Variants in SLU7 observed in about 807,000 individuals in gnomAD.
SLU7 encodes spliceosome associated SLU7.
In SLU7, 60 loss-of-function variants were observed where a neutral mutation model predicts 87.0. The ratio of observed to expected loss-of-function variants is 0.69; its 90% CI spans 0.56 to 0.86. The LOEUF is 0.86. Among genes scored for constraint, SLU7 ranks in the 40% least tolerant of loss-of-function variants. The probability of loss-of-function intolerance (pLI) is 0.00; values close to 1 mark genes in which losing one functional copy is unlikely to be tolerated. For synonymous variants in SLU7, 197 were observed against 222.0 expected, an observed-to-expected ratio of 0.89 and a Z score of 1.00; for missense variants, 507 against 686.6, an observed-to-expected ratio of 0.74 and a Z score of 2.92.
At chr5:160,404,646 A>T in intron 14 of SLU7, 90 bp from the exon 15 acceptor site, 6 of 988,810 alleles carry the variant, frequency 6.1e-6, no homozygotes, top group Non-Finnish European at 9.3e-6. Context: ...GAATCACTTG[A>T]ACCCAGGAGG....
At chr5:160,414,720 G>C (rs1035766964) in intron 2 of SLU7, among the ~76,000 whole-genome samples, 2 of 152,148 alleles carry the variant, frequency 1.3e-5, no homozygotes, top group Non-Finnish European at 2.9e-5. Context: ...GGGGACAAGA[G>C]AGGAAGGAAA....
At chr5:160,414,247 G>A (rs1765360775) in intron 3 of SLU7, 72 bp downstream of exon 3, 20 of 1,174,310 alleles carry the variant, frequency 1.7e-5, no homozygotes, top group Non-Finnish European at 2.4e-5. Context: ...AAATAGTATT[G>A]CATTAAAAAT....
At chr5:160,414,284 A>G (rs1227988287) in intron 3 of SLU7, 35 bp downstream of exon 3, 6 of 1,511,002 alleles carry the variant, frequency 4.0e-6, no homozygotes, top group South Asian at 2.6e-5. Flanking sequence ...TAAACTCTCC[A>G]TATCCATGAA....
intron 1 of SLU7, among the ~76,000 whole-genome samples, chr5:160,416,542 C>G (rs1303185461): frequency 6.6e-6 from 1 of 152,188 alleles, no homozygotes; most frequent in Non-Finnish European, 1.5e-5. Context: ...CCTCTGAAAT[C>G]TAATCTCCTA....
chr5:160,415,089 T>C, intron 2 of SLU7, 36 bp downstream of exon 2: 1 of 1,503,692 alleles, frequency 6.7e-7, no homozygotes, highest in Non-Finnish European at 9.0e-7. Context: ...ATTTGAATTC[T>C]GAATGAATGG....
intron 15 of SLU7, 61 bp downstream of exon 15, chr5:160,404,379 A>G (rs1249552068): frequency 1.8e-6 from 2 of 1,099,458 alleles, no homozygotes; most frequent in East Asian, 4.7e-5. Context: ...AAATAAAAAC[A>G]ACCCAAAAAA....
At chr5:160,408,750 T>A in intron 6 of SLU7, 53 bp from the exon 7 acceptor site, 2 of 689,316 alleles carry the variant, frequency 2.9e-6, no homozygotes. Context: ...CTTAATCCAA[T>A]TAACTTTATT....
chr5:160,406,597 T>G lies in SLU7; in HGVS notation c.1158A>C (p.Pro386=). 6.2e-7 allele frequency: 1 copy of G among 1,612,058 alleles called. No individual in the cohort carries two copies. The highest frequency in any genetic ancestry group is 8.5e-7 in the Non-Finnish European group (1 of 1,179,190). The change falls in exon 12 of 16, where the codon CCA becomes CCC. Residue 386 remains proline (P), a synonymous_variant. Transcript: ENST00000297151. ...YGGQEHLDAP[P]AELLLAQTED... Reference sequence around the variant, plus strand: ...CAGTCTGGGCTAAAAGCAATTCAGCTGGAGGGGCATCCAAATGTTCTTGGC... The same window carrying G: ...CAGTCTGGGCTAAAAGCAATTCAGCGGGAGGGGCATCCAAATGTTCTTGGC...
At chr5:160,417,317 C>A (rs1419685395) in intron 1 of SLU7, 5 of 152,060 alleles carry the variant, frequency 3.3e-5, no homozygotes, top group Non-Finnish European at 7.4e-5. Flanking sequence ...TAAAAATAAA[C>A]AGGTAAAATT....
rs367804207 is a variant in SLU7, at chr5:160,407,735, G to C, written c.985+11C>G. On this transcript the variant is annotated intron_variant, in intron 10 of 15. Coordinates refer to ENST00000297151, the MANE Select transcript of SLU7 (RefSeq NM_006425.5). This position sits in a 1 kb window ranked among gnomAD's most constrained non-coding sequence, Gnocchi z 4.2. ...TGATATAAAATGGCTTGACATAGAGGAAACACTTACACTGTGTCTGAGCCA... is the reference window on the plus strand; with the variant it reads ...TGATATAAAATGGCTTGACATAGAGCAAACACTTACACTGTGTCTGAGCCA... 2 of 1,610,372 alleles carry C rather than the reference G, an allele frequency of 1.2e-6. No individual in the cohort carries two copies. The highest frequency in any genetic ancestry group is 2.2e-5 in the South Asian group (2 of 90,476).
At chr5:160,417,964 T>C (rs1765525566) in intron 1 of SLU7, among the ~76,000 whole-genome samples, 1 of 152,104 alleles carries the variant, frequency 6.6e-6, no homozygotes, top group African/African-American at 2.4e-5. Flanking sequence ...TAGACCTTCT[T>C]GTAGTTCCTC....
intron 5 of SLU7, among the ~76,000 whole-genome samples, chr5:160,412,875 A>G (rs1765299619): frequency 6.6e-6 from 1 of 152,120 alleles, no homozygotes; most frequent in African/African-American, 2.4e-5. Flanking sequence ...ATATATTACA[A>G]TATTCAAGAA....
intron 1 of SLU7, among the ~76,000 whole-genome samples, chr5:160,415,511 G>T (rs1561564724): frequency 6.6e-6 from 1 of 152,042 alleles, no homozygotes; most frequent in Non-Finnish European, 1.5e-5. Context: ...ATTTACAAAT[G>T]GAGAGAGACA....
chr5:160,404,918 G>C lies in SLU7; in HGVS notation c.1393-38C>G, dbSNP rs112312225. The stretch of plus-strand genomic sequence containing the variant: ...CATGTAATTTGAGTTGAGTGTCATA[G>C]TTACTAATCATCTAAGAACAAGTTA... On this transcript the variant is annotated intron_variant, in intron 13 of 15. Transcript: ENST00000297151. The C allele has an allele frequency of 9.9e-6, 15 of 1,522,004 alleles. No homozygotes were observed. In the African/African-American group the frequency reaches 1.1e-4, roughly 11 times the overall value. 94.3% of individuals were successfully genotyped at this position (1,522,004 alleles called of 1,614,324 possible).
In SLU7 at chr5:160,407,878, A is replaced by G. The variant is rs1165420007; in HGVS notation, c.918-65T>C. On this transcript the variant is annotated intron_variant, in intron 9 of 15. Coordinates refer to ENST00000297151, the MANE Select transcript of SLU7 (RefSeq NM_006425.5). This position sits in a 1 kb window ranked among gnomAD's most constrained non-coding sequence, Gnocchi z 4.2. ...TAAGGAAAATTAATTCGTAAAACTG[A>G]ATCTGAATTAAAATGAACACCATCT... is the stretch of plus-strand genomic sequence containing the variant. The G allele has an allele frequency of 8.7e-6, 13 of 1,487,890 alleles. No individual in the cohort carries two copies. Among genetic ancestry groups the G allele is most frequent in the African/African-American group, 1.4e-5 (1 of 72,118 alleles). 92.2% of individuals were successfully genotyped at this position (1,487,890 alleles called of 1,614,324 possible). A position where few individuals can be genotyped will look rare whatever the true frequency, so the allele number is the denominator to read the frequency against.
chr5:160,415,760 C>T (rs758189866), intron 1 of SLU7, among the ~76,000 whole-genome samples: 4 of 152,198 alleles, frequency 2.6e-5, no homozygotes, highest in African/African-American at 4.8e-5. Context: ...CCCTACCATT[C>T]TAAAGAAAAG....
At chr5:160,403,570 A>G in intron 15 of SLU7, 106 bp from the exon 16 acceptor site, 1 of 916,330 alleles carries the variant, frequency 1.1e-6, no homozygotes, top group Non-Finnish European at 1.6e-6. Context: ...CTGCTCTATC[A>G]AAAACGCAGA....
rs554500004 is a variant in SLU7 at position 160,413,991 on chromosome 5, T to C, written c.325-12A>G. On this transcript the variant is annotated splice_polypyrimidine_tract_variant and intron_variant, in intron 3 of 15. Transcript: ENST00000297151. ...GTAATTATGGAATTCTATAAATATA[T>C]ATAAAGAAAAACAAAAATGTCTTAA... 55 of 1,492,906 alleles carry C rather than the reference T, an allele frequency of 3.7e-5. 1 individual carries two copies. The South Asian group carries it at 6.7e-4, about 18-fold the overall frequency. The allele number at this position is 1,492,906 out of a possible 1,614,324, so 92.5% of individuals were successfully genotyped here. A position where few individuals can be genotyped will look rare whatever the true frequency, so the allele number is the denominator to read the frequency against.
chr5:160,405,717 G>A (rs760481381), intron 12 of SLU7, among the ~76,000 whole-genome samples: 5 of 152,100 alleles, frequency 3.3e-5, no homozygotes, highest in South Asian at 2.1e-4. Flanking sequence ...CAATCAAGCC[G>A]TTAGACCTAA....
Sources: allele counts gnomAD v4.1 joint callset (sites outside exome capture counted in the v4.1 genomes callset), GRCh38; gene constraint gnomAD v4.1.1; non-coding constraint Gnocchi (gnomAD v3.1); transcripts MANE v1.5; gene names NCBI Gene and HGNC (gene_info 2026-07-23, HGNC 2026-07-21).